The following SLC25A48 variants were observed in gnomAD, a reference collection of about 807,000 sequenced individuals.
The protein encoded by SLC25A48 is CTC-321K16.1.
Under a neutral mutation model 32.2 loss-of-function variants are expected in SLC25A48, and 29 were observed. The observed-to-expected ratio is 0.90, with a 90% CI of 0.67 to 1.23. The LOEUF (loss-of-function observed/expected upper bound fraction) is 1.23. Among genes scored for constraint, SLC25A48 ranks in the 50% most tolerant of loss-of-function variants. SLC25A48 has a pLI of 0.00. For missense variants in SLC25A48, 399 were observed against 422.7 expected (o/e 0.94, Z 0.49); for synonymous variants, 164 against 172.3 (o/e 0.95, Z 0.38).
chr5:135,849,687 G>T (rs192121339), intron 2 of SLC25A48, among the ~76,000 whole-genome samples: 24 of 152,266 alleles, frequency 1.6e-4, no homozygotes, highest in African/African-American at 5.3e-4. Context: ...GCGACATTTC[G>T]ACTCAGACCT....
chr5:135,633,322 G>A (rs1752622719), intron 2 of SLC25A48, among the ~76,000 whole-genome samples: 1 of 151,994 alleles, frequency 6.6e-6, no homozygotes, highest in Admixed American at 6.5e-5. Flanking sequence ...ATATGTTGAA[G>A]CTCTAATCCC....
At chr5:135,684,869 T>C (rs1753980890) in intron 3 of SLC25A48, among the ~76,000 whole-genome samples, 1 of 152,240 alleles carries the variant, frequency 6.6e-6, no homozygotes, top group South Asian at 2.1e-4. Context: ...TTATTACCAC[T>C]CTTTTGCAAT....
intron 7 of SLC25A48, among the ~76,000 whole-genome samples, chr5:135,885,018 A>G (rs1445016078): frequency 6.6e-6 from 1 of 151,882 alleles, no homozygotes; most frequent in African/African-American, 2.4e-5. Flanking sequence ...GGACTTTACC[A>G]CCAATCCCAT....
intron 1 of SLC25A48, among the ~76,000 whole-genome samples, chr5:135,593,078 T>G (rs1433219929): frequency 6.6e-6 from 1 of 152,168 alleles, no homozygotes; most frequent in East Asian, 1.9e-4. Flanking sequence ...TCCTGACTCC[T>G]GTTTAATAGT....
chr5:135,690,944 A>AT (rs5871573), intron 3 of SLC25A48, among the ~76,000 whole-genome samples: 73,991 of 149,256 alleles, frequency 0.5, 18,184 homozygotes, highest in Non-Finnish European at 0.52. Flanking sequence ...CAGGGAAGGC[A>AT]TTTTTTTTTT....
chr5:135,887,496 A>G (rs1164997032), intron 7 of SLC25A48, among the ~76,000 whole-genome samples: 1 of 151,858 alleles, frequency 6.6e-6, no homozygotes, highest in East Asian at 1.9e-4. Context: ...ACACATATAT[A>G]TGTGTGTATA....
chr5:135,606,524 C>T (rs753902579), intron 1 of SLC25A48, among the ~76,000 whole-genome samples: 3 of 152,134 alleles, frequency 2.0e-5, no homozygotes, highest in Non-Finnish European at 2.9e-5. Context: ...GCCCTGTGAG[C>T]CAGCAGCATT....
At chr5:135,588,441 C>T (rs1261897750) in intron 1 of SLC25A48, among the ~76,000 whole-genome samples, 2 of 152,350 alleles carry the variant, frequency 1.3e-5, no homozygotes, top group Non-Finnish European at 2.9e-5. Context: ...TTGCTGAGTG[C>T]CTGCTCTGTG....
intron 1 of SLC25A48, among the ~76,000 whole-genome samples, chr5:135,602,598 C>CTTTT: frequency 7.0e-6 from 1 of 143,470 alleles, no homozygotes; most frequent in Admixed American, 6.9e-5. Flanking sequence ...ATGGAGTTTT[C>CTTTT]TTTTTTTTTT....
At chr5:135,594,821 C>T (rs1751608424) in intron 1 of SLC25A48, among the ~76,000 whole-genome samples, 2 of 152,202 alleles carry the variant, frequency 1.3e-5, no homozygotes, top group Non-Finnish European at 2.9e-5. Flanking sequence ...TAGCATTTGA[C>T]AGCATGAAGA....
At chr5:135,603,007 G>T (rs371454115) in intron 1 of SLC25A48, among the ~76,000 whole-genome samples, 5 of 152,314 alleles carry the variant, frequency 3.3e-5, no homozygotes, top group African/African-American at 1.2e-4. Flanking sequence ...TGAAACAGCT[G>T]AAAAGTGCAC....
chr5:135,765,408 A>G (rs1756186645), intron 3 of SLC25A48, among the ~76,000 whole-genome samples: 1 of 150,040 alleles, frequency 6.7e-6, no homozygotes, highest in Non-Finnish European at 1.5e-5. Flanking sequence ...CCCACTTGTG[A>G]TATGGTTTGT....
intron 3 of SLC25A48, among the ~76,000 whole-genome samples, chr5:135,674,106 G>A (rs1428419867): frequency 6.6e-6 from 1 of 151,794 alleles, no homozygotes; most frequent in Non-Finnish European, 1.5e-5. Context: ...ACACTGCCTT[G>A]CTTACTGTAG....
At chr5:135,658,719 G>A (rs1753314975) in intron 3 of SLC25A48, among the ~76,000 whole-genome samples, 1 of 152,174 alleles carries the variant, frequency 6.6e-6, no homozygotes, top group Non-Finnish European at 1.5e-5. Context: ...TGAAATCTAG[G>A]TGGAGGCTAG....
chr5:135,741,918 G>A (rs375788767), intron 3 of SLC25A48, among the ~76,000 whole-genome samples: 48 of 152,238 alleles, frequency 3.2e-4, no homozygotes, highest in Middle Eastern at 3.4e-3. Context: ...AACTATCCAC[G>A]TGCAAGGAGA....
At chr5:135,773,132 G>A (rs1756458450) in intron 3 of SLC25A48, among the ~76,000 whole-genome samples, 1 of 150,332 alleles carries the variant, frequency 6.7e-6, no homozygotes, top group Non-Finnish European at 1.5e-5. Context: ...ATATTGTTTT[G>A]TAATATCCAG....
chr5:135,803,228 A>G (rs1456745935), intron 3 of SLC25A48, among the ~76,000 whole-genome samples: 1 of 151,198 alleles, frequency 6.6e-6, no homozygotes, highest in Admixed American at 6.6e-5. Context: ...TTTATAATAT[A>G]CTTGGCAGAT....
intron 4 of SLC25A48, among the ~76,000 whole-genome samples, chr5:135,823,337 T>C (rs892667637): frequency 6.6e-6 from 1 of 152,166 alleles, no homozygotes; most frequent in Non-Finnish European, 1.5e-5. Context: ...GGCTTTTCAC[T>C]ACCTGGCACT....
intron 3 of SLC25A48, among the ~76,000 whole-genome samples, chr5:135,747,315 C>CTTT (rs59932539): frequency 7.2e-6 from 1 of 139,370 alleles, no homozygotes; most frequent in South Asian, 2.3e-4. Context: ...TTTTTCTTTC[C>CTTT]TTTTTTTTTT....
Sources: allele counts gnomAD v4.1 joint callset (sites outside exome capture counted in the v4.1 genomes callset), GRCh38; gene constraint gnomAD v4.1.1; transcripts MANE v1.5; gene names NCBI Gene and HGNC (gene_info 2026-07-23, HGNC 2026-07-21).